The following TRIM68 variants were observed in gnomAD, a reference collection of about 807,000 sequenced individuals.
TRIM68 encodes the protein E3 ubiquitin-protein ligase TRIM68.
Under a neutral mutation model 41.9 loss-of-function variants are expected in TRIM68, and 36 were observed. The observed-to-expected ratio is 0.86, with a 90% confidence interval of 0.66 to 1.14. TRIM68 has a LOEUF of 1.14. Ranked by LOEUF, TRIM68 falls within the 50% of genes most tolerant of loss-of-function variation. The pLI, the probability that TRIM68 is intolerant of heterozygous loss-of-function variation, is 0.00. For missense variants in TRIM68, 632 were observed against 605.1 expected (o/e 1.04, Z -0.47); for synonymous variants, 225 against 224.6 (o/e 1.00, Z -0.02).
At chr11:4,601,221 T>C (rs1004356757) in intron 5 of TRIM68, 94 bp from the exon 6 acceptor site, 12 of 941,948 alleles carry the variant, frequency 1.3e-5, no homozygotes, top group East Asian at 2.4e-5. Context: ...GCCAGGGACA[T>C]AGTGAACCCC....
At chr11:4,604,947 C>A in intron 2 of TRIM68, 132 bp downstream of exon 2, 1 of 937,646 alleles carries the variant, frequency 1.1e-6, no homozygotes, top group Non-Finnish European at 1.6e-6. Context: ...GTATCAGATT[C>A]CAGGGATCTC....
chr11:4,605,819 C>T (rs1846561281), intron 1 of TRIM68, among the ~76,000 whole-genome samples: 1 of 152,186 alleles, frequency 6.6e-6, no homozygotes, highest in Non-Finnish European at 1.5e-5. Context: ...ACTTGGTCAA[C>T]TCTGATTTTC....
rs1443872401 is a variant in TRIM68, at chr11:4,599,262, TGAG to T, written c.*1011_*1013del. ...CTCTAATCCCAGCACTGTGGGAGGC[TGAG>T]GAGGGCGGATCATGAGGTCAGGAGA... On this transcript the variant is annotated 3_prime_UTR_variant, in exon 7 of 7. Coordinates refer to ENST00000300747, the MANE Select transcript of TRIM68 (RefSeq NM_018073.8). 2.0e-5 allele frequency: 3 copies of T among 152,048 alleles called. No individual in the cohort carries two copies. The highest frequency in any genetic ancestry group is 4.4e-5 in the Non-Finnish European group (3 of 68,016). The allele number at this position is 152,048 out of a possible 1,614,324, so 9.4% of individuals were successfully genotyped here.
At chr11:4,601,634 T>C (rs376275306) in intron 5 of TRIM68, 30 bp downstream of exon 5, 2 of 1,613,748 alleles carry the variant, frequency 1.2e-6, no homozygotes. Context: ...CCTACAGGGC[T>C]GCTTAGAGGC....
chr11:4,600,046 G>A lies in TRIM68; in HGVS notation c.*230C>T, dbSNP rs78700188. Reference sequence around the variant, plus strand: ...TCTGATCCTCACCATCAGCCCTGTCGTGCTTCCCTCATGGGATGCAATGCT... The same window carrying A: ...TCTGATCCTCACCATCAGCCCTGTCATGCTTCCCTCATGGGATGCAATGCT... On this transcript the variant is annotated 3_prime_UTR_variant, in exon 7 of 7. Coordinates refer to ENST00000300747, the MANE Select transcript of TRIM68 (RefSeq NM_018073.8). 0.043 allele frequency: 20,760 copies of A among 477,394 alleles called. 623 individuals are homozygous for A. Among genetic ancestry groups the A allele is most frequent in the Non-Finnish European group, 0.061 (16,480 of 270,382 alleles). 29.6% of individuals were successfully genotyped at this position (477,394 alleles called of 1,614,324 possible). A position where few individuals can be genotyped will look rare whatever the true frequency, so the allele number is the denominator to read the frequency against.
Position 4,600,311 on chromosome 11 carries a change from G to T in TRIM68, c.1423C>A (p.Pro475Thr). Residue 475 changes from proline to threonine, a missense_variant, in exon 7 of 7, where the codon CCT (proline) becomes ACT (threonine). Coordinates refer to ENST00000300747, the MANE Select transcript of TRIM68 (RefSeq NM_018073.8). Reference protein sequence around the residue: ...CYSIGTNNTAPLAICSLDGED With the variant: ...CYSIGTNNTATLAICSLDGED ...CCATCCAGGGAGCAGATGGCCAGAG[G>T]AGCAGTGTTGTTGGTTCCAATGCTG... 6.2e-7 allele frequency: 1 copy of T among 1,601,796 alleles called. No individual in the cohort carries two copies. The highest frequency in any genetic ancestry group is 1.7e-5 in the Admixed American group (1 of 59,122).
intron 2 of TRIM68, 104 bp from the exon 3 acceptor site, chr11:4,603,444 G>A: frequency 1.0e-6 from 1 of 993,608 alleles, no homozygotes; most frequent in East Asian, 2.5e-5. Context: ...CGGCCACAGT[G>A]AAGGCTGTGG....
intron 1 of TRIM68, 35 bp from the exon 2 acceptor site, chr11:4,605,596 A>C (rs1846558376): frequency 2.4e-6 from 3 of 1,249,756 alleles, no homozygotes; most frequent in Non-Finnish European, 3.3e-6. Context: ...ATAAGAGAAA[A>C]AGGTAACAGA....
intron 3 of TRIM68, among the ~76,000 whole-genome samples, 178 bp downstream of exon 3, chr11:4,603,067 T>C (rs1846516865): frequency 6.6e-6 from 1 of 152,170 alleles, no homozygotes; most frequent in Non-Finnish European, 1.5e-5. Flanking sequence ...GAAACTGGAA[T>C]TAAGAGGTGA....
At chr11:4,606,759 T>C (rs1846576297) in intron 1 of TRIM68, among the ~76,000 whole-genome samples, 1 of 152,236 alleles carries the variant, frequency 6.6e-6, no homozygotes, top group South Asian at 2.1e-4. Context: ...CTGCCATCTA[T>C]CTTGGGCAAA....
rs1846490916 is a variant in TRIM68, at chr11:4,601,654, G to A, written c.806+10C>T. 2 of 1,614,002 alleles carry A rather than the reference G, an allele frequency of 1.2e-6. No homozygotes were observed. Among genetic ancestry groups the A allele is most frequent in the African/African-American group, 2.7e-5 (2 of 75,010 alleles). On this transcript the variant is annotated intron_variant, in intron 5 of 6. Coordinates refer to ENST00000300747, the MANE Select transcript of TRIM68 (RefSeq NM_018073.8). ...AGGGCTGCTTAGAGGCTCCAAGGGT[G>A]AGAACATACCTGTTTAACACTTCCT...
Position 4,601,079 on chromosome 11 carries a change from C to A in TRIM68, c.855G>T (p.Leu285Phe). 1.2e-6 allele frequency: 2 copies of A among 1,614,212 alleles called. No homozygotes were observed. The highest frequency in any genetic ancestry group is 1.7e-6 in the Non-Finnish European group (2 of 1,180,034). Residue 285 changes from leucine to phenylalanine, a missense_variant, in exon 6 of 7, where the codon TTG (leucine) becomes TTT (phenylalanine). Transcript: ENST00000300747. ...GCCCCAGCACACGGCAATCTGTCTTCAACTCCAGGGAGATTGGTTCTGGCT... is the reference window on the plus strand; with the variant it reads ...GCCCCAGCACACGGCAATCTGTCTTAAACTCCAGGGAGATTGGTTCTGGCT... ...LQQPEPISLELKTDCRVLGLR... is the reference protein window; with the variant it reads ...LQQPEPISLEFKTDCRVLGLR...
rs901340846 is a variant in TRIM68, at chr11:4,601,066, G to A, written c.868C>T (p.Arg290Cys). Reference protein sequence around the residue: ...PISLELKTDCRVLGLREILKT... With the variant: ...PISLELKTDCCVLGLREILKT... The stretch of plus-strand genomic sequence containing the variant: ...AGGATCTCTCTTAGCCCCAGCACAC[G>A]GCAATCTGTCTTCAACTCCAGGGAG... Residue 290 changes from arginine (R) to cysteine (C), a missense_variant, in exon 6 of 7, where the codon CGT (arginine) becomes TGT (cysteine). By Grantham distance (180) the Arg-to-Cys change is radical. Transcript: ENST00000300747. 16 of 1,613,986 alleles carry A rather than the reference G, an allele frequency of 9.9e-6. No homozygotes were observed. Among genetic ancestry groups the A allele is most frequent in the Non-Finnish European group, 1.4e-5 (16 of 1,180,020 alleles).
chr11:4,603,261 C>A lies in TRIM68; in HGVS notation c.506G>T (p.Arg169Leu). Reference sequence around the variant, plus strand: ...GCAACCTGCCTTCCAGGTGGCAGTTCGTTTCCTTTCACCAACTTCAAGCTT... The same window carrying A: ...GCAACCTGCCTTCCAGGTGGCAGTTAGTTTCCTTTCACCAACTTCAAGCTT... ...AWKLEVGERK[R>L]TATWKIQVET... The change falls in exon 3 of 7, where the codon CGA (arginine) becomes CTA (leucine). Residue 169 changes from arginine to leucine, a missense_variant. Coordinates refer to ENST00000300747, the MANE Select transcript of TRIM68 (RefSeq NM_018073.8). The A allele has an allele frequency of 6.2e-7, 1 of 1,614,204 alleles. No individual in the cohort carries two copies. Among genetic ancestry groups the A allele is most frequent in the Non-Finnish European group, 8.5e-7 (1 of 1,180,036 alleles).
At chr11:4,601,457 T>C (rs1022660538) in intron 5 of TRIM68, 12 of 606,394 alleles carry the variant, frequency 2.0e-5, no homozygotes, top group African/African-American at 1.9e-4. Flanking sequence ...ACAGCTTCAC[T>C]TGATATACAT....
In TRIM68 at chr11:4,603,357, C is replaced by T; in HGVS notation, c.427-17G>A. The T allele has an allele frequency of 6.2e-7, 1 of 1,612,856 alleles. No individual in the cohort carries two copies. Among genetic ancestry groups the T allele is most frequent in the Non-Finnish European group, 8.5e-7 (1 of 1,179,064 alleles). ...AAGTTCCCACTGCAAGAGACAAAAC[C>T]CTCATGAGGCCACCTCCGGCAGCCT... On this transcript the variant is annotated splice_polypyrimidine_tract_variant and intron_variant, in intron 2 of 6. Coordinates refer to ENST00000300747, the MANE Select transcript of TRIM68 (RefSeq NM_018073.8).
rs1205952551 is a variant in TRIM68 at position 4,603,341 on chromosome 11, C to T, written c.427-1G>A. The T allele has an allele frequency of 6.2e-7, 1 of 1,614,120 alleles. No homozygotes were observed. Among genetic ancestry groups the T allele is most frequent in the Admixed American group, 1.7e-5 (1 of 60,034 alleles). ...GTTCGAGGGCCTCATGAAGTTCCCA[C>T]TGCAAGAGACAAAACCCTCATGAGG... On this transcript the variant is annotated splice_acceptor_variant, in intron 2 of 6. Coordinates refer to ENST00000300747, the MANE Select transcript of TRIM68 (RefSeq NM_018073.8). LOFTEE classifies it high-confidence loss of function.
intron 2 of TRIM68, 138 bp from the exon 3 acceptor site, chr11:4,603,478 G>A: frequency 1.4e-6 from 1 of 699,638 alleles, no homozygotes; most frequent in South Asian, 1.8e-5. Context: ...CACAGAGGAA[G>A]CAGACTCTGC....
chr11:4,600,089 GCTTT>G lies in TRIM68; in HGVS notation c.*183_*186del, dbSNP rs200640502. The G allele has an allele frequency of 0.023, 13,260 of 584,066 alleles. 196 individuals are homozygous for G. Among genetic ancestry groups the G allele is most frequent in the Non-Finnish European group, 0.031 (10,646 of 346,642 alleles). 36.2% of individuals were successfully genotyped at this position (584,066 alleles called of 1,614,324 possible). A position where few individuals can be genotyped will look rare whatever the true frequency, so the allele number is the denominator to read the frequency against. On this transcript the variant is annotated 3_prime_UTR_variant, in exon 7 of 7. Transcript: ENST00000300747. ...GCAATGCTCATTTGACTGGGCCTCT[GCTTT>G]TTAAAATAAGTGGTTTCATGACAGA...
Sources: allele counts gnomAD v4.1 joint callset (sites outside exome capture counted in the v4.1 genomes callset), GRCh38; gene constraint gnomAD v4.1.1; transcripts MANE v1.5; gene names NCBI Gene and HGNC (gene_info 2026-07-23, HGNC 2026-07-21).